Variants in LHFPL6 observed in about 807,000 individuals in gnomAD.
LHFPL6 encodes the protein LHFPL tetraspan subfamily member 6, also known as LHFPL tetraspan subfamily member 6 protein.
In LHFPL6, 9 loss-of-function variants were observed where a neutral mutation model predicts 20.6. The ratio of observed to expected loss-of-function variants is 0.44; its 90% confidence interval spans 0.26 to 0.76. The LOEUF is 0.76. Ranked by LOEUF, LHFPL6 falls within the 30% of genes least tolerant of loss-of-function variation. LHFPL6 has a pLI of 0.20. For synonymous variants in LHFPL6, 105 were observed against 98.7 expected, an observed-to-expected ratio of 1.06 and a Z score of -0.38; for missense variants, 218 against 253.5, an observed-to-expected ratio of 0.86 and a Z score of 0.95.
chr13:39,361,877 A>G (rs1019478130), intron 3 of LHFPL6, among the ~76,000 whole-genome samples: 60 of 152,304 alleles, frequency 3.9e-4, no homozygotes, highest in Admixed American at 2.6e-3. Flanking sequence ...TACTCACTTA[A>G]GTATCTACGG....
intron 2 of LHFPL6, among the ~76,000 whole-genome samples, chr13:39,535,062 T>C (rs1175214377): frequency 6.6e-6 from 1 of 152,220 alleles, no homozygotes; most frequent in Non-Finnish European, 1.5e-5. Context: ...CTTTCTTGAT[T>C]TGTAGCAGCA....
intron 2 of LHFPL6, among the ~76,000 whole-genome samples, chr13:39,464,697 A>G (rs1203628064): frequency 8.2e-6 from 1 of 122,582 alleles, no homozygotes; most frequent in Admixed American, 8.5e-5. Context: ...GAAAAAGCAC[A>G]GTCTTTTTTT....
In LHFPL6 at chr13:39,423,701, C is replaced by A. The variant is rs561148963; in HGVS notation, c.386-45175G>T. 2.4e-4 allele frequency among the ~76,000 whole-genome samples: 37 copies of A among 152,192 alleles called. No homozygotes were observed. In the South Asian group the frequency reaches 6.6e-3, roughly 27 times the overall value. On this transcript the variant is annotated intron_variant, in intron 2 of 3. Coordinates refer to ENST00000379589, the MANE Select transcript of LHFPL6 (RefSeq NM_005780.3). Reference sequence around the variant, plus strand: ...AGGAATCAATATCTGTGACAAAGACCTGAAAGAATTTCAATGTAGAAAGAG... The same window carrying A: ...AGGAATCAATATCTGTGACAAAGACATGAAAGAATTTCAATGTAGAAAGAG...
intron 2 of LHFPL6, among the ~76,000 whole-genome samples, chr13:39,432,185 A>G (rs1173187171): frequency 6.6e-6 from 1 of 152,200 alleles, no homozygotes; most frequent in Admixed American, 6.5e-5. Context: ...AACTGTGAGG[A>G]AATGAGTTTC....
chr13:39,524,293 G>A (rs1270463692), intron 2 of LHFPL6, among the ~76,000 whole-genome samples: 1 of 150,708 alleles, frequency 6.6e-6, no homozygotes, highest in Non-Finnish European at 1.5e-5. Flanking sequence ...GGTTTTGGGG[G>A]TTTTGTTTTT....
chr13:39,369,583 C>CTTCT (rs1593288049), intron 3 of LHFPL6, among the ~76,000 whole-genome samples: 1 of 145,130 alleles, frequency 6.9e-6, no homozygotes, highest in East Asian at 2.1e-4. Context: ...TCCTTCCTTC[C>CTTCT]TTCCTTCCTT....
chr13:39,473,343 AAC>A (rs1872996351), intron 2 of LHFPL6, among the ~76,000 whole-genome samples: 1 of 122,814 alleles, frequency 8.1e-6, no homozygotes, highest in Admixed American at 8.5e-5. Context: ...ATCACACACA[AAC>A]ACACACACAC....
intron 2 of LHFPL6, among the ~76,000 whole-genome samples, chr13:39,497,585 T>A (rs1319106853): frequency 1.3e-5 from 2 of 152,308 alleles, no homozygotes; most frequent in East Asian, 3.9e-4. Context: ...GTAAGATTTT[T>A]CTCTTTTCAT....
At chr13:39,562,753 A>G (rs1449445652) in intron 2 of LHFPL6, among the ~76,000 whole-genome samples, 1 of 151,358 alleles carries the variant, frequency 6.6e-6, no homozygotes, top group African/African-American at 2.4e-5. Context: ...AACATGAGGA[A>G]CGGCACTTTA....
intron 2 of LHFPL6, among the ~76,000 whole-genome samples, chr13:39,420,813 T>G (rs1040296199): frequency 1.3e-5 from 2 of 152,172 alleles, no homozygotes; most frequent in Non-Finnish European, 2.9e-5. Context: ...AGATAAAAAC[T>G]GTTATAAGTT....
At chr13:39,483,463 C>A (rs1231375926) in intron 2 of LHFPL6, among the ~76,000 whole-genome samples, 5 of 151,224 alleles carry the variant, frequency 3.3e-5, no homozygotes, top group Non-Finnish European at 7.4e-5. Context: ...ATATTCCAAA[C>A]TCCTGTCTTC....
In LHFPL6 at chr13:39,504,138, G is replaced by GT. The variant is rs781254299; in HGVS notation, c.385+96693dup. On this transcript the variant is annotated intron_variant, in intron 2 of 3. Coordinates refer to ENST00000379589, the MANE Select transcript of LHFPL6 (RefSeq NM_005780.3). ...GAGTCACCGGAAGGATCACTAACAT[G>GT]TTTTAAATTATATTAATATATCTGT... Among the ~76,000 whole-genome samples, 4 of 152,228 alleles carry GT rather than the reference G, an allele frequency of 2.6e-5. No individual in the cohort carries two copies. The East Asian group carries it at 7.7e-4, about 29-fold the overall frequency.
chr13:39,581,382 A>C (rs1425944757), intron 2 of LHFPL6, among the ~76,000 whole-genome samples: 1 of 152,178 alleles, frequency 6.6e-6, no homozygotes, highest in Non-Finnish European at 1.5e-5. Context: ...AAACCTACTG[A>C]GCACCAAGGG....
chr13:39,430,754 C>T (rs1392286600), intron 2 of LHFPL6, among the ~76,000 whole-genome samples: 4 of 152,286 alleles, frequency 2.6e-5, no homozygotes, highest in African/African-American at 9.6e-5. Flanking sequence ...CACTCTGTGT[C>T]TAGCTAAAGG....
chr13:39,546,240 G>A (rs1013778661), intron 2 of LHFPL6, among the ~76,000 whole-genome samples: 5 of 152,002 alleles, frequency 3.3e-5, no homozygotes, highest in African/African-American at 9.7e-5. Flanking sequence ...CCTAACTCAC[G>A]CCATAGACCG....
In LHFPL6 at chr13:39,349,047, C is replaced by A. The variant is rs545275000; in HGVS notation, c.485-4993G>T. Among the ~76,000 whole-genome samples, 7 of 152,182 alleles carry A rather than the reference C, an allele frequency of 4.6e-5. No homozygotes were observed. In the South Asian group the frequency reaches 1.5e-3, roughly 32 times the overall value. On this transcript the variant is annotated intron_variant, in intron 3 of 3. Transcript: ENST00000379589. ...TATGGCCACCAATCAGACATATATG[C>A]AAGTTTGTGTGTATGATTTACAAAA...
intron 2 of LHFPL6, among the ~76,000 whole-genome samples, chr13:39,585,058 A>G (rs867271001): frequency 4.0e-4 from 61 of 152,136 alleles, no homozygotes; most frequent in African/African-American, 1.4e-3. Flanking sequence ...TGTGTGCCCA[A>G]TTGCACCCCA....
At chr13:39,407,020 CT>C (rs1343985065) in intron 2 of LHFPL6, among the ~76,000 whole-genome samples, 1 of 152,188 alleles carries the variant, frequency 6.6e-6, no homozygotes, top group Non-Finnish European at 1.5e-5. Flanking sequence ...CAGACTTTGC[CT>C]GGTCTTGCAG....
intron 2 of LHFPL6, among the ~76,000 whole-genome samples, chr13:39,484,839 T>C (rs1031721773): frequency 6.6e-6 from 1 of 152,324 alleles, no homozygotes; most frequent in Non-Finnish European, 1.5e-5. Context: ...CGAACCTGTG[T>C]GTGGCAGATG....
Sources: allele counts gnomAD v4.1 joint callset (sites outside exome capture counted in the v4.1 genomes callset), GRCh38; gene constraint gnomAD v4.1.1; transcripts MANE v1.5; gene names NCBI Gene and HGNC (gene_info 2026-07-23, HGNC 2026-07-21).